Variants in MTOR observed in about 807,000 individuals in gnomAD.
MTOR encodes the protein mechanistic target of rapamycin kinase, also known as serine/threonine-protein kinase mTOR.
A neutral mutation model predicts 319.8 loss-of-function variants in MTOR; 70 were observed. The observed-to-expected ratio is 0.22, with a 90% CI of 0.18 to 0.27. MTOR has a LOEUF of 0.27. MTOR is among the 10% of genes least tolerant of loss of function. The pLI, the probability that MTOR is intolerant of heterozygous loss-of-function variation, is 1.00. For synonymous variants in MTOR, 1,183 were observed against 1,211.4 expected, an observed-to-expected ratio of 0.98 and a Z score of 0.49; for missense variants, 1,890 against 3,274.4, an observed-to-expected ratio of 0.58 and a Z score of 10.32.
intron 1 of MTOR, among the ~76,000 whole-genome samples, chr1:11,259,827 G>T (rs1650878993): frequency 6.6e-6 from 1 of 152,130 alleles, no homozygotes; most frequent in Non-Finnish European, 1.5e-5. Context: ...TCACCCAGGA[G>T]GCTGAGGCAG....
At chr1:11,184,464 T>C (rs1314355480) in intron 28 of MTOR, among the ~76,000 whole-genome samples, 2 of 152,230 alleles carry the variant, frequency 1.3e-5, no homozygotes, top group African/African-American at 4.8e-5. Context: ...CTGTGTGTGG[T>C]GGCTCAGGCC....
chr1:11,194,152 A>G (rs1483256569), intron 28 of MTOR, among the ~76,000 whole-genome samples: 2 of 152,134 alleles, frequency 1.3e-5, no homozygotes, highest in Non-Finnish European at 2.9e-5. Flanking sequence ...CTATATCCTC[A>G]TGTTTCTCTT....
At chr1:11,187,294 G>A (rs769385734) in intron 28 of MTOR, among the ~76,000 whole-genome samples, 4 of 147,438 alleles carry the variant, frequency 2.7e-5, no homozygotes, top group Admixed American at 6.8e-5. Flanking sequence ...GACTGGTTTC[G>A]TGGAAGACAA....
At chr1:11,154,793 G>A (rs114834369) in intron 30 of MTOR, among the ~76,000 whole-genome samples, 1 of 152,080 alleles carries the variant, frequency 6.6e-6, no homozygotes, top group African/African-American at 2.4e-5. Context: ...AGACCACAGT[G>A]AGCTGTGATC....
chr1:11,164,342 A>G (rs11804039), intron 29 of MTOR, among the ~76,000 whole-genome samples: 1,664 of 151,330 alleles, frequency 0.011, 27 homozygotes, highest in African/African-American at 0.038. Flanking sequence ...CTGAAAAAAA[A>G]AAAAAAAAAA....
intron 54 of MTOR, chr1:11,111,180 A>C (rs1025344977): frequency 2.2e-5 from 10 of 455,498 alleles, no homozygotes; most frequent in African/African-American, 2.0e-4. Flanking sequence ...CCATCCAATA[A>C]GGATAAATTA....
chr1:11,192,417 C>A (rs775111946), intron 28 of MTOR: 12 of 1,477,904 alleles, frequency 8.1e-6, no homozygotes, highest in South Asian at 1.1e-5. Flanking sequence ...CTGTCCTTCA[C>A]CCCCTCAAGG....
chr1:11,121,341 G>A lies in MTOR; in HGVS notation c.6838C>T (p.Leu2280=), dbSNP rs767505975. 1.9e-6 allele frequency: 3 copies of A among 1,614,150 alleles called. No homozygotes were observed. The highest frequency in any genetic ancestry group is 1.7e-5 in the Admixed American group (1 of 60,014). ...TCAAACACCTCCACCTTCTGCATCA[G>A]AGTCAAGTGGTCATAGTCCGGAGCC... The part of the protein sequence containing the change: ...RMAPDYDHLT[L]MQKVEVFEHA... The change falls in exon 49 of 58, where the codon CTG becomes TTG. Residue 2280 remains leucine, a synonymous_variant. Coordinates refer to ENST00000361445, the MANE Select transcript of MTOR (RefSeq NM_004958.4). The surrounding 1 kb of genome is among the most constrained non-coding windows in gnomAD (Gnocchi z 4.9).
In MTOR at chr1:11,212,227, C is replaced by G; in HGVS notation, c.3561+85G>C. Reference sequence around the variant, plus strand: ...CACGTTCTCTGATGGTGGCTGGCATCAGACAAAGTCTGAGTGGCTCACAGA... The same window carrying G: ...CACGTTCTCTGATGGTGGCTGGCATGAGACAAAGTCTGAGTGGCTCACAGA... On this transcript the variant is annotated intron_variant, in intron 23 of 57. Transcript: ENST00000361445. The surrounding 1 kb of genome is among the most constrained non-coding windows in gnomAD (Gnocchi z 4.1). The G allele has an allele frequency of 6.8e-7, 1 of 1,478,832 alleles. No individual in the cohort carries two copies. The highest frequency in any genetic ancestry group is 1.4e-5 in the African/African-American group (1 of 70,784). The allele number at this position is 1,478,832 out of a possible 1,614,324, so 91.6% of individuals were successfully genotyped here.
chr1:11,130,464 C>CGATTCCATTTCTCAGAGAGCCT (rs1643081935), intron 39 of MTOR, 65 bp downstream of exon 39: 1 of 1,572,128 alleles, frequency 6.4e-7, no homozygotes, highest in African/African-American at 1.4e-5. Context: ...AGCTTAACAA[C>CGATTCCATTTCTCAGAGAGCCT]GATTCCATTT....
chr1:11,212,530 C>T lies in MTOR; in HGVS notation c.3399-56G>A, dbSNP rs1196205111. ...TAACATACAATCTCCAAGGAAGAGA[C>T]GTGACTGAGGGTGAGCTTAACAATC... is the stretch of plus-strand genomic sequence containing the variant. On this transcript the variant is annotated intron_variant, in intron 22 of 57. Transcript: ENST00000361445. This position sits in a 1 kb window ranked among gnomAD's most constrained non-coding sequence, Gnocchi z 4.1. 1.1e-5 allele frequency: 18 copies of T among 1,573,590 alleles called. No homozygotes were observed. The highest frequency in any genetic ancestry group is 4.0e-4 in the Middle Eastern group (2 of 5,050).
rs770806063 is a variant in MTOR, at chr1:11,247,748, A to C, written c.1117-15T>G. ...CACTGGCACACCTGAGAGAGGAAGG[A>C]TAAAGGGTTGGCAGGGGAAAAGTGA... On this transcript the variant is annotated splice_polypyrimidine_tract_variant and intron_variant, in intron 7 of 57. Transcript: ENST00000361445. 6.2e-7 allele frequency: 1 copy of C among 1,614,108 alleles called. No homozygotes were observed. The highest frequency in any genetic ancestry group is 8.5e-7 in the Non-Finnish European group (1 of 1,179,980).
chr1:11,122,560 T>G (rs559155633), intron 47 of MTOR, among the ~76,000 whole-genome samples: 1 of 146,822 alleles, frequency 6.8e-6, no homozygotes, highest in Non-Finnish European at 1.5e-5. Flanking sequence ...CAGGCTGGAA[T>G]GCAGTGTCAC....
Position 11,109,428 on chromosome 1 carries a change from TG to T in MTOR, c.7448-59del, listed in dbSNP as rs1641745751. On this transcript the variant is annotated intron_variant, in intron 55 of 57. Coordinates refer to ENST00000361445, the MANE Select transcript of MTOR (RefSeq NM_004958.4). This position sits in a 1 kb window ranked among gnomAD's most constrained non-coding sequence, Gnocchi z 4.0. ...AATGGGAGCAATACAACAGGTTCAA[TG>T]GGTGCCCTGTTTTTCTCAAATATTC... 2.7e-6 allele frequency: 4 copies of T among 1,491,326 alleles called. No homozygotes were observed. The South Asian group carries it at 4.6e-5, about 17-fold the overall frequency. 92.4% of individuals were successfully genotyped at this position (1,491,326 alleles called of 1,614,324 possible). A position where few individuals can be genotyped will look rare whatever the true frequency, so the allele number is the denominator to read the frequency against.
chr1:11,207,596 CCTTT>C (rs1646178066), intron 25 of MTOR, among the ~76,000 whole-genome samples: 1 of 96,324 alleles, frequency 1.0e-5, no homozygotes, highest in Admixed American at 1.6e-4. Flanking sequence ...TTTTTCAATT[CCTTT>C]TTTTTTTTTT....
In MTOR at chr1:11,256,057, G is replaced by A. The variant is rs746557535; in HGVS notation, c.640C>T (p.Arg214Cys). 1.9e-6 allele frequency: 3 copies of A among 1,614,016 alleles called. No individual in the cohort carries two copies. Among genetic ancestry groups the A allele is most frequent in the Non-Finnish European group, 2.5e-6 (3 of 1,180,042 alleles). The change falls in exon 5 of 58, where the codon CGT (arginine) becomes TGT (cysteine). Residue 214 changes from arginine to cysteine, a missense_variant. Arg to Cys is a radical substitution (Grantham distance 180). Around this residue, in one of 15 missense-constraint regions of MTOR, gnomAD observed 81 missense variants for 203.6 expected, o/e 0.40. Transcript: ENST00000361445. ...TGGGTTGTGAGAATCAGACAGGCAC[G>A]AAGGGCGGCTACAGCTCCCTCACGG... ...AIREGAVAALRACLILTTQRE... is the reference protein window; with the variant it reads ...AIREGAVAALCACLILTTQRE...
At chr1:11,242,089 C>T (rs1273628603) in intron 9 of MTOR, among the ~76,000 whole-genome samples, 4 of 152,104 alleles carry the variant, frequency 2.6e-5, no homozygotes, top group South Asian at 2.1e-4. Context: ...TGGGGCCAGG[C>T]GCAGCGACTC....
chr1:11,145,838 G>A (rs1423140377), intron 32 of MTOR, among the ~76,000 whole-genome samples: 2 of 152,090 alleles, frequency 1.3e-5, no homozygotes, highest in African/African-American at 2.4e-5. Flanking sequence ...TTTCTTGCTG[G>A]GCATGTTTAT....
intron 6 of MTOR, among the ~76,000 whole-genome samples, chr1:11,252,227 C>T (rs1472263467): frequency 6.6e-6 from 1 of 151,998 alleles, no homozygotes; most frequent in Non-Finnish European, 1.5e-5. Flanking sequence ...ATTTGTTGCA[C>T]TGTATTTTTA....
Sources: gnomAD v4.1 joint callset for allele counts (sites outside exome capture counted in the v4.1 genomes callset) on GRCh38, gnomAD v4.1.1 for gene constraint, gnomAD v4.1.1 regional missense constraint, Gnocchi (gnomAD v3.1) non-coding constraint, MANE v1.5 for transcripts, NCBI Gene and HGNC (gene_info 2026-07-23, HGNC 2026-07-21) for gene names.